IARS1: variants seen among roughly 807,000 people sequenced by gnomAD.
IARS1 encodes isoleucine--tRNA ligase, cytoplasmic.
In IARS1, 124 loss-of-function variants were observed where a neutral mutation model predicts 168.2. The ratio of observed to expected loss-of-function variants is 0.74; its 90% CI spans 0.64 to 0.86. IARS1 has a LOEUF of 0.86. Ranked by LOEUF, IARS1 falls within the 40% of genes least tolerant of loss-of-function variation. The probability of loss-of-function intolerance (pLI) is 0.00; values close to 1 mark genes in which losing one functional copy is unlikely to be tolerated. For missense variants in IARS1, 1,452 were observed against 1,515.8 expected, an observed-to-expected ratio of 0.96 and a Z score of 0.70; for synonymous variants, 532 against 529.4, an observed-to-expected ratio of 1.00 and a Z score of -0.07.
chr9:92,235,800 C>T (rs1040116892), intron 30 of IARS1, among the ~76,000 whole-genome samples: 1 of 152,004 alleles, frequency 6.6e-6, no homozygotes, highest in African/African-American at 2.4e-5. Flanking sequence ...GCTGGGATTA[C>T]AGGCGTGACC....
rs747613996 is a variant in IARS1 at position 92,229,031 on chromosome 9, T to C, written c.3379A>G (p.Thr1127Ala). 10 of 1,614,146 alleles carry C rather than the reference T, an allele frequency of 6.2e-6. No homozygotes were observed. Among genetic ancestry groups the C allele is most frequent in the Non-Finnish European group, 8.5e-6 (10 of 1,180,022 alleles). ...TCATCATGGAAGACAGCCAGCTCTGTATTTTTCACACCAAAAATGCTAGTG... is the reference window on the plus strand; with the variant it reads ...TCATCATGGAAGACAGCCAGCTCTGCATTTTTCACACCAAAAATGCTAGTG... ...VVTSIFGVKNTELAVFHDETE... is the reference protein window; with the variant it reads ...VVTSIFGVKNAELAVFHDETE... Residue 1127 changes from threonine (T) to alanine (A), a missense_variant, in exon 31 of 34, where the codon ACA (threonine) becomes GCA (alanine). Thr to Ala is a moderately conservative substitution (Grantham distance 58). Coordinates refer to ENST00000443024, the MANE Select transcript of IARS1 (RefSeq NM_002161.6).
In IARS1 at chr9:92,280,823, C is replaced by A. The variant is rs990512979; in HGVS notation, c.668G>T (p.Trp223Leu). ...AGGTAGAGTCCAGGGAGTGGTTGTC[C>A]AAGCAACTAAAGATACAGTTTCATC... Reference protein sequence around the residue: ...EEDETVSLVAWTTTPWTLPSN... With the variant: ...EEDETVSLVALTTTPWTLPSN... The change falls in exon 7 of 34, where the codon TGG (tryptophan) becomes TTG (leucine). Residue 223 changes from tryptophan to leucine, a missense_variant. Trp to Leu is a moderately conservative substitution (Grantham distance 61). Coordinates refer to ENST00000443024, the MANE Select transcript of IARS1 (RefSeq NM_002161.6). 1 of 1,610,624 alleles carries A rather than the reference C, an allele frequency of 6.2e-7. No individual in the cohort carries two copies. The highest frequency in any genetic ancestry group is 1.3e-5 in the African/African-American group (1 of 74,956).
chr9:92,286,731 T>C, intron 4 of IARS1, 113 bp from the exon 5 acceptor site: 1 of 595,902 alleles, frequency 1.7e-6, no homozygotes, highest in South Asian at 2.4e-5. Flanking sequence ...AACAGAATAA[T>C]CAATGGTACA....
At chr9:92,288,848 T>C (rs1409154742) in intron 2 of IARS1, among the ~76,000 whole-genome samples, 3 of 152,186 alleles carry the variant, frequency 2.0e-5, no homozygotes, top group Non-Finnish European at 4.4e-5. Flanking sequence ...ATTCAATGTA[T>C]ATCTACTACT....
intron 33 of IARS1, among the ~76,000 whole-genome samples, chr9:92,222,316 G>C (rs1291490961): frequency 7.8e-6 from 1 of 128,044 alleles, no homozygotes; most frequent in Non-Finnish European, 1.6e-5. Context: ...ACTCCAGCCT[G>C]GGAGACAAAG....
In IARS1 at chr9:92,260,168, A is replaced by G. The variant is rs1344506306; in HGVS notation, c.1854T>C (p.Tyr618=). The G allele has an allele frequency of 6.2e-7, 1 of 1,613,666 alleles. No individual in the cohort carries two copies. Among genetic ancestry groups the G allele is most frequent in the East Asian group, 2.2e-5 (1 of 44,892 alleles). The change falls in exon 18 of 34, where the codon TAT becomes TAC. Residue 618 remains tyrosine, a synonymous_variant. Coordinates refer to ENST00000443024, the MANE Select transcript of IARS1 (RefSeq NM_002161.6). ...GTTTGTACCTGAGGGCATCAGCACC[A>G]TACTTCTGGATGATGGAAACTGGAT... ...YPDPVSIIQK[Y]GADALRLYLI...
chr9:92,290,232 T>C (rs1314918850), intron 1 of IARS1, among the ~76,000 whole-genome samples: 1 of 152,242 alleles, frequency 6.6e-6, no homozygotes, highest in Non-Finnish European at 1.5e-5. Context: ...TTGTCCATCT[T>C]TGAATTACAG....
intron 15 of IARS1, 31 bp from the exon 16 acceptor site, chr9:92,265,154 A>G (rs10820963): frequency 0.22 from 341,057 of 1,570,588 alleles, 41,937 homozygotes; most frequent in African/African-American, 0.52. Flanking sequence ...CATTTCTATT[A>G]ACTGTAAGCA....
chr9:92,241,648 A>C (rs1321198815), intron 29 of IARS1, among the ~76,000 whole-genome samples: 1 of 152,154 alleles, frequency 6.6e-6, no homozygotes, highest in Non-Finnish European at 1.5e-5. Flanking sequence ...AGTCTAAATG[A>C]TCTACTTCTA....
At chr9:92,286,457 T>C (rs538156929) in intron 5 of IARS1, 79 bp downstream of exon 5, 1 of 731,206 alleles carries the variant, frequency 1.4e-6, no homozygotes, top group East Asian at 2.6e-5. Flanking sequence ...AATAAACTGA[T>C]TCATGCTAGT....
intron 10 of IARS1, among the ~76,000 whole-genome samples, chr9:92,273,156 C>T (rs1258022356): frequency 2.0e-5 from 3 of 149,364 alleles, no homozygotes; most frequent in Admixed American, 2.0e-4. Context: ...AAAACCCCTA[C>T]ACTACAATTC....
intron 31 of IARS1, among the ~76,000 whole-genome samples, chr9:92,226,003 T>A (rs1445489137): frequency 6.6e-6 from 1 of 152,220 alleles, no homozygotes; most frequent in African/African-American, 2.4e-5. Flanking sequence ...CACCTGTCAG[T>A]GTGGGATGAG....
At chr9:92,244,326 T>C (rs751937121) in intron 27 of IARS1, among the ~76,000 whole-genome samples, 1 of 152,162 alleles carries the variant, frequency 6.6e-6, no homozygotes, top group Non-Finnish European at 1.5e-5. Flanking sequence ...GGTAAAGGAC[T>C]GAGGAGGTCG....
intron 33 of IARS1, among the ~76,000 whole-genome samples, chr9:92,213,274 G>A (rs187311212): frequency 6.6e-6 from 1 of 152,026 alleles, no homozygotes; most frequent in Non-Finnish European, 1.5e-5. Flanking sequence ...TATACAAACC[G>A]GGAAGTCCAA....
At chr9:92,241,313 T>C (rs1378440644) in intron 29 of IARS1, among the ~76,000 whole-genome samples, 1 of 152,026 alleles carries the variant, frequency 6.6e-6, no homozygotes, top group Non-Finnish European at 1.5e-5. Flanking sequence ...CCGGAGCAAA[T>C]GATTAAGCAA....
At chr9:92,268,857 C>G (rs1476324964) in intron 13 of IARS1, among the ~76,000 whole-genome samples, 1 of 152,166 alleles carries the variant, frequency 6.6e-6, no homozygotes, top group East Asian at 1.9e-4. Context: ...CGCAGCTTCC[C>G]TCCCTTCTGC....
chr9:92,238,700 G>T (rs1461733981), intron 30 of IARS1, among the ~76,000 whole-genome samples: 1 of 152,080 alleles, frequency 6.6e-6, no homozygotes, highest in Non-Finnish European at 1.5e-5. Context: ...TTTTTCTAGG[G>T]TTTTATATGT....
At chr9:92,258,060 C>T (rs1006170355) in intron 19 of IARS1, among the ~76,000 whole-genome samples, 2 of 152,188 alleles carry the variant, frequency 1.3e-5, no homozygotes, top group African/African-American at 4.8e-5. Flanking sequence ...CCCTAACAAC[C>T]CACTGAAAAC....
chr9:92,250,876 A>T, intron 22 of IARS1, 42 bp from the exon 23 acceptor site: 2 of 1,560,762 alleles, frequency 1.3e-6, no homozygotes, highest in Non-Finnish European at 8.7e-7. Flanking sequence ...ATATGCAGTC[A>T]TCAACAACTG....
Sources: gnomAD v4.1 joint callset for allele counts (sites outside exome capture counted in the v4.1 genomes callset) on GRCh38, gnomAD v4.1.1 for gene constraint, MANE v1.5 for transcripts, NCBI Gene and HGNC (gene_info 2026-07-23, HGNC 2026-07-21) for gene names.